Variants in ACAP2 observed in about 807,000 individuals in gnomAD.
The protein encoded by ACAP2 is arf-GAP with coiled-coil, ANK repeat and PH domain-containing protein 2.
ACAP2 carries 39 observed loss-of-function variants against 115.8 expected under a neutral mutation model. The ratio of observed to expected loss-of-function variants is 0.34; its 90% confidence interval spans 0.26 to 0.44. ACAP2 has a LOEUF of 0.44. ACAP2 is among the 20% of genes least tolerant of loss of function. The pLI, the probability that ACAP2 is intolerant of heterozygous loss-of-function variation, is 1.00. For missense variants in ACAP2, 662 were observed against 927.6 expected, an observed-to-expected ratio of 0.71 and a Z score of 3.72; for synonymous variants, 289 against 315.8, an observed-to-expected ratio of 0.92 and a Z score of 0.90.
intron 16 of ACAP2, 83 bp from the exon 17 acceptor site, chr3:195,295,975 T>G (rs1577251692): frequency 8.9e-7 from 1 of 1,123,760 alleles, no homozygotes; most frequent in Non-Finnish European, 1.3e-6. Flanking sequence ...ATACTGAACA[T>G]ATTCAAACAA....
intron 3 of ACAP2, 91 bp downstream of exon 3, chr3:195,381,812 A>C: frequency 7.0e-7 from 1 of 1,424,062 alleles, no homozygotes; most frequent in Non-Finnish European, 9.5e-7. Flanking sequence ...AAGTATCACC[A>C]TAACTATAAA....
chr3:195,372,119 A>C (rs972998106), intron 4 of ACAP2, among the ~76,000 whole-genome samples: 3 of 152,240 alleles, frequency 2.0e-5, no homozygotes, highest in Non-Finnish European at 4.4e-5. Context: ...TATCAGATCG[A>C]GAAGCTAACT....
At chr3:195,288,844 C>T (rs915092310) in intron 21 of ACAP2, among the ~76,000 whole-genome samples, 3 of 151,896 alleles carry the variant, frequency 2.0e-5, no homozygotes, top group African/African-American at 7.3e-5. Flanking sequence ...GAGAGTCGGT[C>T]TCAAAAATAG....
In ACAP2 at chr3:195,278,510, C is replaced by T. The variant is rs1341191481; in HGVS notation, c.*818G>A. On this transcript the variant is annotated 3_prime_UTR_variant, in exon 23 of 23. Transcript: ENST00000326793. ...GATGAAGGCATAATTTTGTGACATT[C>T]AAGTAACCTTTAAAACATACTTTTA... 1 of 151,900 alleles carries T rather than the reference C, an allele frequency of 6.6e-6. No individual in the cohort carries two copies. Among genetic ancestry groups the T allele is most frequent in the Non-Finnish European group, 1.5e-5 (1 of 68,008 alleles). The allele number at this position is 151,900 out of a possible 1,614,324, so 9.4% of individuals were successfully genotyped here.
chr3:195,278,071 A>C lies in ACAP2; in HGVS notation c.*1257T>G, dbSNP rs1215047809. Reference sequence around the variant, plus strand: ...ACTCCAGCCTGGGTGACACAGCAAGACGCCATCTCGGGAAAAAAAAAAAAA... The same window carrying C: ...ACTCCAGCCTGGGTGACACAGCAAGCCGCCATCTCGGGAAAAAAAAAAAAA... On this transcript the variant is annotated 3_prime_UTR_variant, in exon 23 of 23. Transcript: ENST00000326793. The C allele has an allele frequency of 6.7e-6, 1 of 149,818 alleles. No homozygotes were observed. The highest frequency in any genetic ancestry group is 2.4e-5 in the African/African-American group (1 of 40,826). The allele number at this position is 149,818 out of a possible 1,614,324, so 9.3% of individuals were successfully genotyped here.
chr3:195,280,138 C>T lies in ACAP2; in HGVS notation c.2237-710G>A, dbSNP rs546840569. On this transcript the variant is annotated intron_variant, in intron 22 of 22. Transcript: ENST00000326793. ...TTCAAGACCAGTCTGGGCAACATAG[C>T]GAGACTACATCTCTACAAAAATTAA... Among the ~76,000 whole-genome samples the T allele has an allele frequency of 4.6e-5, 7 of 152,046 alleles. No homozygotes were observed. In the South Asian group the frequency reaches 1.2e-3, roughly 27 times the overall value.
intron 2 of ACAP2, among the ~76,000 whole-genome samples, chr3:195,387,250 T>G (rs905840133): frequency 6.6e-6 from 1 of 152,136 alleles, no homozygotes; most frequent in Admixed American, 6.5e-5. Flanking sequence ...TACAACAAGA[T>G]TAAATGTCAA....
At chr3:195,315,149 G>T (rs577349701) in intron 10 of ACAP2, among the ~76,000 whole-genome samples, 1 of 152,270 alleles carries the variant, frequency 6.6e-6, no homozygotes, top group South Asian at 2.1e-4. Context: ...CTGAGTAGCT[G>T]GGGCTACAGG....
chr3:195,363,044 A>G (rs12487961), intron 4 of ACAP2, among the ~76,000 whole-genome samples: 3,263 of 152,304 alleles, frequency 0.021, 113 homozygotes, highest in East Asian at 0.1. Flanking sequence ...ATATGACCCT[A>G]TATTTGGACT....
chr3:195,327,101 G>T, intron 8 of ACAP2, 142 bp from the exon 9 acceptor site: 1 of 764,490 alleles, frequency 1.3e-6, no homozygotes. Context: ...AAATTTTGAA[G>T]TAGAAGTTCA....
At chr3:195,367,438 T>C (rs28375276) in intron 4 of ACAP2, among the ~76,000 whole-genome samples, 26,407 of 152,120 alleles carry the variant, frequency 0.17, 2,524 homozygotes, top group Admixed American at 0.28. Context: ...TGGGGATTAG[T>C]TGACTATTGT....
At chr3:195,292,722 A>C (rs1727344514) in intron 18 of ACAP2, among the ~76,000 whole-genome samples, 1 of 151,724 alleles carries the variant, frequency 6.6e-6, no homozygotes, top group South Asian at 2.1e-4. Context: ...AGGAGTTTGA[A>C]ACTAGCCTGG....
Position 195,289,179 on chromosome 3 carries a change from C to T in ACAP2, c.2116G>A (p.Glu706Lys), listed in dbSNP as rs1461941589. ...GCTATGCTCAAAGGGTCTTTCCCTT[C>T]TTCATCAGTGGCATGTTGATTGGCA... ...RGANQHATDE[E>K]GKDPLSIAVE... Residue 706 changes from glutamate to lysine, a missense_variant, in exon 21 of 23, where the codon GAA becomes AAA. By Grantham distance (56) the Glu-to-Lys change is moderately conservative. Transcript: ENST00000326793. The T allele has an allele frequency of 1.9e-6, 3 of 1,613,478 alleles. No individual in the cohort carries two copies. The highest frequency in any genetic ancestry group is 2.2e-5 in the East Asian group (1 of 44,836).
At chr3:195,442,677 C>T (rs1716109111) in intron 1 of ACAP2, 118 bp downstream of exon 1, 3 of 1,135,114 alleles carry the variant, frequency 2.6e-6, no homozygotes, top group East Asian at 3.0e-5. Context: ...GCAACAGCCG[C>T]TCGCCCCGTC....
At chr3:195,298,368 G>C (rs12488451) in intron 15 of ACAP2, among the ~76,000 whole-genome samples, 3,261 of 150,694 alleles carry the variant, frequency 0.022, 114 homozygotes, top group East Asian at 0.1. Flanking sequence ...TGATTCTCCG[G>C]CCTCAACCTC....
At chr3:195,381,769 C>A in intron 3 of ACAP2, 134 bp downstream of exon 3, 6 of 995,022 alleles carry the variant, frequency 6.0e-6, no homozygotes, top group Non-Finnish European at 8.8e-6. Context: ...CAAGAGAGCA[C>A]CAAGGGGTGA....
chr3:195,338,012 C>T (rs910586484), intron 6 of ACAP2, among the ~76,000 whole-genome samples: 7 of 151,740 alleles, frequency 4.6e-5, no homozygotes, highest in African/African-American at 1.7e-4. Context: ...TCTGTGCACA[C>T]GCCATGATGT....
intron 5 of ACAP2, among the ~76,000 whole-genome samples, chr3:195,344,091 G>A (rs560290864): frequency 2.6e-5 from 4 of 152,228 alleles, no homozygotes; most frequent in South Asian, 2.1e-4. Context: ...GGTGGTCCAC[G>A]CCTGTAGTCC....
At chr3:195,321,985 GA>G (rs1426907522) in intron 9 of ACAP2, among the ~76,000 whole-genome samples, 38 of 152,290 alleles carry the variant, frequency 2.5e-4, no homozygotes, top group African/African-American at 9.1e-4. Context: ...AAAGGAAACA[GA>G]TCTTAGTCTA....
Sources: allele counts gnomAD v4.1 joint callset (sites outside exome capture counted in the v4.1 genomes callset), GRCh38; gene constraint gnomAD v4.1.1; transcripts MANE v1.5; gene names NCBI Gene and HGNC (gene_info 2026-07-23, HGNC 2026-07-21).